Variants in CSF3R observed in about 807,000 individuals in gnomAD.
CSF3R encodes the protein colony stimulating factor 3 receptor.
In CSF3R, 52 loss-of-function variants were observed where a neutral mutation model predicts 84.4. That is an observed-to-expected ratio of 0.62 (90% CI 0.49 to 0.78). The LOEUF is 0.78. CSF3R is among the 30% of genes least tolerant of loss of function. CSF3R has a pLI of 0.00. For synonymous variants in CSF3R, 384 were observed against 429.1 expected, an observed-to-expected ratio of 0.89 and a Z score of 1.30; for missense variants, 890 against 1,055.7, an observed-to-expected ratio of 0.84 and a Z score of 2.17.
upstream of CSF3R, chr1:36,483,135 A>G (rs1651640885): frequency 6.6e-6 from 1 of 152,104 alleles, no homozygotes; most frequent in Non-Finnish European, 1.5e-5. Flanking sequence ...CTGCCTCCGG[A>G]TTTCCTGAGC....
rs1650293448 is a variant in CSF3R, at chr1:36,466,182, A to G, written c.*175T>C. Reference sequence around the variant, plus strand: ...ATGATCTGGTCCTTAAAGTATGCAGATCGCCTGGGAGGCCCAGCCTATGGA... The same window carrying G: ...ATGATCTGGTCCTTAAAGTATGCAGGTCGCCTGGGAGGCCCAGCCTATGGA... On this transcript the variant is annotated 3_prime_UTR_variant, in exon 17 of 17. Coordinates refer to ENST00000373106, the MANE Select transcript of CSF3R (RefSeq NM_000760.4). This position sits in a 1 kb window ranked among gnomAD's most constrained non-coding sequence, Gnocchi z 4.6. 6.2e-7 allele frequency: 1 copy of G among 1,614,214 alleles called. No homozygotes were observed. The highest frequency in any genetic ancestry group is 8.5e-7 in the Non-Finnish European group (1 of 1,180,026).
At chr1:36,481,879 T>G (rs1197155661) in intron 1 of CSF3R, 1 of 152,848 alleles carries the variant, frequency 6.5e-6, no homozygotes, top group South Asian at 2.1e-4. Context: ...ACTGCGGCCA[T>G]CTCTGCTGGG....
At position 36,467,624 on chromosome 1, in the gene CSF3R, C is replaced by A; in HGVS notation, c.1892G>T (p.Gly631Val). 1.2e-6 allele frequency: 2 copies of A among 1,614,126 alleles called. No homozygotes were observed. Among genetic ancestry groups the A allele is most frequent in the Non-Finnish European group, 1.7e-6 (2 of 1,180,014 alleles). ...GAGCAACAGCAGGAGGCCGAACAGG[C>A]CCAGGATGATGTGTAGCTCCGACCC... ...PEGSELHIIL[G>V]LFGLLLLLTC... The change falls in exon 15 of 17, where the codon GGC becomes GTC. Residue 631 changes from glycine to valine, a missense_variant. Physicochemically the swap from Gly to Val is moderately radical, Grantham distance 109 (BLOSUM62 -3). Coordinates refer to ENST00000373106, the MANE Select transcript of CSF3R (RefSeq NM_000760.4). This position sits in a 1 kb window ranked among gnomAD's most constrained non-coding sequence, Gnocchi z 4.1.
rs2124121019 is a variant in CSF3R at position 36,472,020 on chromosome 1, C to T, written c.1071+46G>A. The stretch of plus-strand genomic sequence containing the variant: ...CCCGGTTTGTAGGGATCTGTTTGGA[C>T]TGCGGGAGGTGTCGAGGTGGAGGGA... On this transcript the variant is annotated intron_variant, in intron 9 of 16. Coordinates refer to ENST00000373106, the MANE Select transcript of CSF3R (RefSeq NM_000760.4). This position sits in a 1 kb window ranked among gnomAD's most constrained non-coding sequence, Gnocchi z 5.0. The T allele has an allele frequency of 6.3e-7, 1 of 1,585,902 alleles. No homozygotes were observed. The highest frequency in any genetic ancestry group is 8.6e-7 in the Non-Finnish European group (1 of 1,158,416).
Position 36,470,123 on chromosome 1 carries a change from G to A in CSF3R, c.1286-283C>T, listed in dbSNP as rs1332602383. Among the ~76,000 whole-genome samples the A allele has an allele frequency of 2.6e-5, 4 of 152,180 alleles. No individual in the cohort carries two copies. In the East Asian group the frequency reaches 7.7e-4, roughly 29 times the overall value. On this transcript the variant is annotated intron_variant, in intron 10 of 16. Coordinates refer to ENST00000373106, the MANE Select transcript of CSF3R (RefSeq NM_000760.4). Reference sequence around the variant, plus strand: ...TAGTGATAACAGCTAACACTCTATTGTTCTTGGTATGTGTCAGGCGTAGTC... The same window carrying A: ...TAGTGATAACAGCTAACACTCTATTATTCTTGGTATGTGTCAGGCGTAGTC...
In CSF3R at chr1:36,468,156, C is replaced by T. The variant is rs767963685; in HGVS notation, c.1642G>A (p.Val548Met). 2 of 1,613,342 alleles carry T rather than the reference C, an allele frequency of 1.2e-6. No homozygotes were observed. Among genetic ancestry groups the T allele is most frequent in the South Asian group, 1.1e-5 (1 of 90,972 alleles). ...IGKTWAQLEW[V>M]PEPPELGKSP... ...TTCCCCAGCTCAGGGGGCTCAGGCA[C>T]CCACTCCAGCTGTGCCCAGGTCTTG... Residue 548 changes from valine to methionine, a missense_variant, in exon 13 of 17, where the codon GTG becomes ATG. Coordinates refer to ENST00000373106, the MANE Select transcript of CSF3R (RefSeq NM_000760.4).
intron 2 of CSF3R, 71 bp downstream of exon 2, chr1:36,481,407 G>C (rs1486727890): frequency 6.6e-6 from 1 of 152,228 alleles, no homozygotes; most frequent in Non-Finnish European, 1.5e-5. Context: ...CTGGGGGGCC[G>C]ATATGCAGAG....
rs759506026 is a variant in CSF3R at position 36,469,669 on chromosome 1, G to A, written c.1457C>T (p.Thr486Met). 4.8e-5 allele frequency: 77 copies of A among 1,614,000 alleles called. No homozygotes were observed. The highest frequency in any genetic ancestry group is 5.2e-5 in the Non-Finnish European group (61 of 1,180,038). Residue 486 changes from threonine to methionine, a missense_variant, in exon 11 of 17, where the codon ACG becomes ATG. By Grantham distance (81) the Thr-to-Met change is moderately conservative. Coordinates refer to ENST00000373106, the MANE Select transcript of CSF3R (RefSeq NM_000760.4). ...AGCCTCACCCTTCAGCAGAAACCCCGTGGCTCTCCCATTCTGTTCCATCCT... is the reference window on the plus strand; with the variant it reads ...AGCCTCACCCTTCAGCAGAAACCCCATGGCTCTCCCATTCTGTTCCATCCT... ...TWRMEQNGRA[T>M]GFLLKENIRP...
In CSF3R at chr1:36,471,540, A is replaced by G. The variant is rs1163985254; in HGVS notation, c.1178T>C (p.Leu393Pro). 1 of 1,614,230 alleles carries G rather than the reference A, an allele frequency of 6.2e-7. No individual in the cohort carries two copies. Among genetic ancestry groups the G allele is most frequent in the Admixed American group, 1.7e-5 (1 of 60,032 alleles). ...AILPLCNTTE[L>P]SCTFHLPSEA... is the part of the protein sequence containing the mutation. ...TGAAGGCAGGTGGAAGGTGCAGCTG[A>G]GCTCTGTGGTGTTGCAGAGGGGCAG... Residue 393 changes from leucine (L) to proline (P), a missense_variant, in exon 10 of 17, where the codon CTC (leucine) becomes CCC (proline). By Grantham distance (98) the Leu-to-Pro change is moderately conservative. Coordinates refer to ENST00000373106, the MANE Select transcript of CSF3R (RefSeq NM_000760.4).
At chr1:36,478,225 A>C (rs1651286132) in intron 3 of CSF3R, among the ~76,000 whole-genome samples, 1 of 151,564 alleles carries the variant, frequency 6.6e-6, no homozygotes, top group South Asian at 2.1e-4. Context: ...CAAAGCAAAA[A>C]CCAAATAAAA....
chr1:36,469,333 T>C, intron 11 of CSF3R, 76 bp from the exon 12 acceptor site: 1 of 1,166,872 alleles, frequency 8.6e-7, no homozygotes. Context: ...GCCTCAGACC[T>C]CTAGTGAGGG....
chr1:36,468,241 C>T lies in CSF3R; in HGVS notation c.1577-20G>A, dbSNP rs746761408. 5.0e-5 allele frequency: 78 copies of T among 1,559,670 alleles called. No homozygotes were observed. In the Admixed American group the frequency reaches 7.3e-4, roughly 15 times the overall value. On this transcript the variant is annotated intron_variant, in intron 12 of 16. Coordinates refer to ENST00000373106, the MANE Select transcript of CSF3R (RefSeq NM_000760.4). The stretch of plus-strand genomic sequence containing the variant: ...AGGGAGCTATGGGAAGAGAGAGGTG[C>T]GGGGGCTGAAGGGAGTGGGGCAGAG...
intron 3 of CSF3R, among the ~76,000 whole-genome samples, chr1:36,476,735 A>G (rs1651179238): frequency 6.6e-6 from 1 of 151,424 alleles, no homozygotes; most frequent in Non-Finnish European, 1.5e-5. Context: ...ATCACGGCTC[A>G]GTGCACCCTT....
chr1:36,471,946 A>G, intron 9 of CSF3R, 120 bp downstream of exon 9: 1 of 1,004,722 alleles, frequency 1.0e-6, no homozygotes, highest in Non-Finnish European at 1.5e-6. Context: ...GTGCATGCAA[A>G]TCACATATAA....
At chr1:36,471,984 G>A in intron 9 of CSF3R, 82 bp downstream of exon 9, 1 of 1,382,568 alleles carries the variant, frequency 7.2e-7, no homozygotes, top group Non-Finnish European at 1.0e-6. Flanking sequence ...AGACCTGTTG[G>A]AGTCCTAAGC....
Position 36,467,328 on chromosome 1 carries a change from G to A in CSF3R, c.1959-17C>T, listed in dbSNP as rs1257063144. Reference sequence around the variant, plus strand: ...TTCTTCCTGCTGGAGAAGGGGGCAGGTGGAGGCTGAGTCAGACACACCCTC... The same window carrying A: ...TTCTTCCTGCTGGAGAAGGGGGCAGATGGAGGCTGAGTCAGACACACCCTC... On this transcript the variant is annotated splice_polypyrimidine_tract_variant and intron_variant, in intron 15 of 16. Coordinates refer to ENST00000373106, the MANE Select transcript of CSF3R (RefSeq NM_000760.4). This position sits in a 1 kb window ranked among gnomAD's most constrained non-coding sequence, Gnocchi z 4.1. 1.9e-6 allele frequency: 3 copies of A among 1,613,276 alleles called. No individual in the cohort carries two copies. The highest frequency in any genetic ancestry group is 1.1e-5 in the South Asian group (1 of 91,078).
Position 36,472,703 on chromosome 1 carries a change from T to A in CSF3R, c.674-17A>T, listed in dbSNP as rs1650853176. 1 of 1,572,752 alleles carries A rather than the reference T, an allele frequency of 6.4e-7. No homozygotes were observed. Among genetic ancestry groups the A allele is most frequent in the Admixed American group, 1.8e-5 (1 of 55,504 alleles). ...CCAGTTTCACTGCAAGGAGTGGGGC[T>A]GTCAGAAGGTCTCCCTATCCCACCC... On this transcript the variant is annotated splice_polypyrimidine_tract_variant and intron_variant, in intron 6 of 16. Coordinates refer to ENST00000373106, the MANE Select transcript of CSF3R (RefSeq NM_000760.4). This position sits in a 1 kb window ranked among gnomAD's most constrained non-coding sequence, Gnocchi z 5.0.
intron 12 of CSF3R, 166 bp from the exon 13 acceptor site, chr1:36,468,387 C>T (rs1419322372): frequency 1.5e-5 from 10 of 668,882 alleles, no homozygotes; most frequent in Middle Eastern, 4.1e-4. Flanking sequence ...ATTCCATCTA[C>T]TGCTAATAAG....
intron 4 of CSF3R, 127 bp downstream of exon 4, chr1:36,475,250 G>T (rs886613200): frequency 8.6e-7 from 1 of 1,163,708 alleles, no homozygotes; most frequent in Non-Finnish European, 1.3e-6. Flanking sequence ...CAGGTGATCC[G>T]CCTGCCTCGG....
Sources: allele counts gnomAD v4.1 joint callset (sites outside exome capture counted in the v4.1 genomes callset), GRCh38; gene constraint gnomAD v4.1.1; non-coding constraint Gnocchi (gnomAD v3.1); transcripts MANE v1.5; gene names NCBI Gene and HGNC (gene_info 2026-07-23, HGNC 2026-07-21).